Variants in DHX34 observed in about 807,000 individuals in gnomAD.
DHX34 encodes probable ATP-dependent RNA helicase DHX34.
A neutral mutation model predicts 111.1 loss-of-function variants in DHX34; 96 were observed. That is an observed-to-expected ratio of 0.86 (90% CI 0.73 to 1.02). DHX34 has a LOEUF of 1.02. Among genes scored for constraint, DHX34 ranks in the 50% least tolerant of loss-of-function variants. The probability of loss-of-function intolerance (pLI) is 0.00; values close to 1 mark genes in which losing one functional copy is unlikely to be tolerated. For missense variants in DHX34, 1,560 were observed against 1,579.9 expected (o/e 0.99, Z 0.21); for synonymous variants, 688 against 670.4 (o/e 1.03, Z -0.41).
chr19:47,374,470 C>T (rs1191051874), intron 9 of DHX34, among the ~76,000 whole-genome samples: 3 of 151,776 alleles, frequency 2.0e-5, no homozygotes, highest in Non-Finnish European at 2.9e-5. Context: ...TGGGTTTCTC[C>T]TGCGCCCACA....
Position 47,376,533 on chromosome 19 carries a change from G to A in DHX34, c.2572G>A (p.Glu858Lys), listed in dbSNP as rs779976532. 1 of 1,578,066 alleles carries A rather than the reference G, an allele frequency of 6.3e-7. No individual in the cohort carries two copies. Among genetic ancestry groups the A allele is most frequent in the Non-Finnish European group, 8.6e-7 (1 of 1,162,608 alleles). Residue 858 changes from glutamate (E) to lysine (K), a missense_variant, in exon 12 of 17, where the codon GAG (glutamate) becomes AAG (lysine). Coordinates refer to ENST00000328771, the MANE Select transcript of DHX34 (RefSeq NM_014681.6). ...CGAGGTGCTGCACGCACAGGAGCTG[G>A]AGGCCAGCAACTGCGACGGAAGCCG... is the stretch of plus-strand genomic sequence containing the variant. The part of the protein sequence containing the change: ...SPEVLHAQEL[E>K]ASNCDGSRDD...
Position 47,373,676 on chromosome 19 carries a change from G to A in DHX34, c.2040G>A (p.Met680Ile), listed in dbSNP as rs1204148919. The stretch of plus-strand genomic sequence containing the variant: ...TAGAGGAGCATCGACTGTACGAAAT[G>A]GCCAACCTTCGGCGCCAGTTCAAGG... ...RGIEEHRLYE[M>I]ANLRRQFKEL... The change falls in exon 9 of 17, where the codon ATG (methionine) becomes ATA (isoleucine). Residue 680 changes from methionine to isoleucine, a missense_variant. By Grantham distance (10) the Met-to-Ile change is conservative. Coordinates refer to ENST00000328771, the MANE Select transcript of DHX34 (RefSeq NM_014681.6). 6 of 1,613,978 alleles carry A rather than the reference G, an allele frequency of 3.7e-6. No individual in the cohort carries two copies. The highest frequency in any genetic ancestry group is 5.1e-6 in the Non-Finnish European group (6 of 1,179,950).
At position 47,375,333 on chromosome 19, in the gene DHX34, G is replaced by T. The variant is rs113934408; in HGVS notation, c.2065-133G>T. ...TCTCTGGAGCAGCGATCCATGCCCA[G>T]CACCATGCGAGGGGCTGTTTTCAGC... On this transcript the variant is annotated intron_variant, in intron 9 of 16. Transcript: ENST00000328771. 5.2e-4 allele frequency: 745 copies of T among 1,422,108 alleles called. 1 individual carries two copies. The African/African-American group carries it at 0.01, about 19-fold the overall frequency. 88.1% of individuals were successfully genotyped at this position (1,422,108 alleles called of 1,614,324 possible).
chr19:47,351,531 T>C (rs957010261), intron 1 of DHX34, among the ~76,000 whole-genome samples: 2 of 152,172 alleles, frequency 1.3e-5, no homozygotes, highest in Admixed American at 1.3e-4. Flanking sequence ...CTTTCACCTC[T>C]CCCTGTGGTG....
Position 47,353,883 on chromosome 19 carries a change from G to C in DHX34, c.705+148G>C. 1.3e-6 allele frequency: 1 copy of C among 781,960 alleles called. No homozygotes were observed. Among genetic ancestry groups the C allele is most frequent in the Middle Eastern group, 3.8e-4 (1 of 2,624 alleles). 48.4% of individuals were successfully genotyped at this position (781,960 alleles called of 1,614,324 possible). A position where few individuals can be genotyped will look rare whatever the true frequency, so the allele number is the denominator to read the frequency against. On this transcript the variant is annotated intron_variant, in intron 2 of 16. Transcript: ENST00000328771. This position sits in a 1 kb window ranked among gnomAD's most constrained non-coding sequence, Gnocchi z 4.6. ...TAGAACTTTATCCACAGAGTGGCTT[G>C]TCTGTGGTCTACATGACAAAGGAGC...
intron 13 of DHX34, among the ~76,000 whole-genome samples, chr19:47,377,485 C>G (rs1970206546): frequency 7.4e-6 from 1 of 135,358 alleles, no homozygotes; most frequent in Non-Finnish European, 1.6e-5. Context: ...CTCTCGGGCT[C>G]TAGTGGCAGG....
At position 47,379,781 on chromosome 19, in the gene DHX34, G is replaced by A. The variant is rs149340769; in HGVS notation, c.2778G>A (p.Leu926=). 6.2e-7 allele frequency: 1 copy of A among 1,613,262 alleles called. No homozygotes were observed. Among genetic ancestry groups the A allele is most frequent in the Admixed American group, 1.7e-5 (1 of 60,008 alleles). ...DCSRLVADGW[L]ELQLADSESA... ...CCCGCCTGGTGGCCGATGGCTGGCT[G>A]GAGCTGCAGCTAGCAGACAGTGAAA... The change falls in exon 14 of 17, where the codon CTG becomes CTA. Residue 926 remains leucine, a synonymous_variant. Transcript: ENST00000328771.
Position 47,362,596 on chromosome 19 carries a change from T to C in DHX34, c.1496T>C (p.Val499Ala). 1 of 1,613,608 alleles carries C rather than the reference T, an allele frequency of 6.2e-7. No individual in the cohort carries two copies. Among genetic ancestry groups the C allele is most frequent in the South Asian group, 1.1e-5 (1 of 91,048 alleles). ...CGGGCGGGCCGCACGGGCCCCGGAG[T>C]CTGCTTCCGCCTCTATGCCGAATCG... Reference protein sequence around the residue: ...KGRAGRTGPGVCFRLYAESDY... With the variant: ...KGRAGRTGPGACFRLYAESDY... The change falls in exon 6 of 17, where the codon GTC becomes GCC. Residue 499 changes from valine (V) to alanine (A), a missense_variant. Coordinates refer to ENST00000328771, the MANE Select transcript of DHX34 (RefSeq NM_014681.6).
chr19:47,379,922 G>A lies in DHX34; in HGVS notation c.2919G>A (p.Thr973=), dbSNP rs116233954. ...AGCTGGAGGAGGAGGAGGAGGATAC[G>A]CCAGTCAGCCCCAAGGAGGTGGCCA... The part of the protein sequence containing the change: ...QQQLEEEEED[T]PVSPKEVATL... The change falls in exon 14 of 17, where the codon ACG becomes ACA. Residue 973 remains threonine, a synonymous_variant. Transcript: ENST00000328771. The A allele has an allele frequency of 6.0e-4, 968 of 1,612,162 alleles. 2 individuals carry two copies. In the African/African-American group the frequency reaches 0.01, roughly 17 times the overall value.
At chr19:47,379,616 G>T in intron 13 of DHX34, 94 bp from the exon 14 acceptor site, 1 of 1,507,458 alleles carries the variant, frequency 6.6e-7, no homozygotes. Context: ...AGACAGGGCT[G>T]GTGGGTGGGC....
In DHX34 at chr19:47,377,098, A is replaced by G. The variant is rs1568406619; in HGVS notation, c.2600-2A>G. On this transcript the variant is annotated splice_acceptor_variant, in intron 12 of 16. Coordinates refer to ENST00000328771, the MANE Select transcript of DHX34 (RefSeq NM_014681.6). LOFTEE classifies it high-confidence loss of function. ...CCTGAGCGGTCCTCCTCAACCTTTC[A>G]GACGACAAGGACAAGATGAGCAGCA... 7 of 1,613,930 alleles carry G rather than the reference A, an allele frequency of 4.3e-6. No individual in the cohort carries two copies. In the South Asian group the frequency reaches 6.6e-5, roughly 15 times the overall value.
intron 7 of DHX34, among the ~76,000 whole-genome samples, chr19:47,368,705 CAT>C (rs781452889): frequency 1.2e-4 from 18 of 149,156 alleles, no homozygotes; most frequent in South Asian, 6.3e-4. Context: ...TATACACACA[CAT>C]ATATATATGT....
In DHX34 at chr19:47,372,859, G is replaced by A. The variant is rs747822941; in HGVS notation, c.1898G>A (p.Arg633Gln). The A allele has an allele frequency of 1.8e-5, 29 of 1,611,446 alleles. No individual in the cohort carries two copies. The highest frequency in any genetic ancestry group is 1.3e-4 in the East Asian group (6 of 44,890). The change falls in exon 8 of 17, where the codon CGG becomes CAG. Residue 633 changes from arginine to glutamine, a missense_variant. Arg to Gln is a conservative substitution (Grantham distance 43, BLOSUM62 1). Coordinates refer to ENST00000328771, the MANE Select transcript of DHX34 (RefSeq NM_014681.6). ...AGCCCAGAGTGCGCGGCAGCACGGC[G>A]GCCGCTGGAGAGCGACCAGGGTGAC... ...QSSPECAAAR[R>Q]PLESDQGDPF...
intron 6 of DHX34, among the ~76,000 whole-genome samples, chr19:47,365,684 A>G (rs1024307988): frequency 6.6e-6 from 1 of 152,192 alleles, no homozygotes; most frequent in Admixed American, 6.6e-5. Flanking sequence ...AAGCCAGGCA[A>G]ACAGACTTCT....
chr19:47,373,358 A>G, intron 8 of DHX34: 1 of 526,948 alleles, frequency 1.9e-6, no homozygotes, highest in Non-Finnish European at 2.4e-6. Flanking sequence ...TGACAGTGAC[A>G]ACCCAGAGAG....
At chr19:47,357,704 C>G (rs759178781) in intron 3 of DHX34, 162 bp from the exon 4 acceptor site, 4 of 976,558 alleles carry the variant, frequency 4.1e-6, no homozygotes, top group Non-Finnish European at 4.9e-6. Flanking sequence ...GCCTGGATCC[C>G]TGAATGACCA....
chr19:47,375,305 C>G (rs1383078439), intron 9 of DHX34, 161 bp from the exon 10 acceptor site: 1 of 985,462 alleles, frequency 1.0e-6, no homozygotes, highest in Non-Finnish European at 1.2e-6. Context: ...GAGGACAGCT[C>G]TCTCTCTGGA....
Position 47,375,661 on chromosome 19 carries a change from A to C in DHX34, c.2260A>C (p.Arg754=). 6.4e-7 allele frequency: 1 copy of C among 1,557,136 alleles called. No individual in the cohort carries two copies. The highest frequency in any genetic ancestry group is 1.2e-5 in the South Asian group (1 of 85,958). The part of the protein sequence containing the change: ...EQDGGSSDED[R]AGPAPPGASD... Reference sequence around the variant, plus strand: ...GGACGGCGGCTCCAGTGACGAGGACAGGGCTGGCCCAGCCCCCCCAGGGGC... The same window carrying C: ...GGACGGCGGCTCCAGTGACGAGGACCGGGCTGGCCCAGCCCCCCCAGGGGC... Residue 754 remains arginine, a synonymous_variant, in exon 10 of 17, where the codon AGG becomes CGG. Transcript: ENST00000328771.
rs937726186 is a variant in DHX34, at chr19:47,373,435, T to A, written c.1963-164T>A. ...GGCATCTAACCCAGTTTGTGGGTAG[T>A]CTGGGAGGGCTTCCCATAGGAGGGG... On this transcript the variant is annotated intron_variant, in intron 8 of 16. Coordinates refer to ENST00000328771, the MANE Select transcript of DHX34 (RefSeq NM_014681.6). The A allele has an allele frequency of 1.1e-4, 109 of 978,024 alleles. No homozygotes were observed. In the African/African-American group the frequency reaches 1.9e-3, roughly 17 times the overall value. 60.6% of individuals were successfully genotyped at this position (978,024 alleles called of 1,614,324 possible).
Sources: gnomAD v4.1 joint callset for allele counts (sites outside exome capture counted in the v4.1 genomes callset) on GRCh38, gnomAD v4.1.1 for gene constraint, Gnocchi (gnomAD v3.1) non-coding constraint, MANE v1.5 for transcripts, NCBI Gene and HGNC (gene_info 2026-07-23, HGNC 2026-07-21) for gene names.